TLCD3B: variants seen among roughly 807,000 people sequenced by gnomAD.
The protein encoded by TLCD3B is ceramide synthase.
A neutral mutation model predicts 23.0 loss-of-function variants in TLCD3B; 9 were observed. That is an observed-to-expected ratio of 0.39 (90% CI 0.24 to 0.68). TLCD3B has a LOEUF of 0.68. Ranked by LOEUF, TLCD3B falls within the 30% of genes least tolerant of loss-of-function variation. The pLI is 0.44. For synonymous variants in TLCD3B, 161 were observed against 161.0 expected (o/e 1.00, Z 0.00); for missense variants, 307 against 371.8 (o/e 0.83, Z 1.43).
In TLCD3B at chr16:30,030,627, A is replaced by T. The variant is rs1287885337; in HGVS notation, c.-100T>A. ...TGGAGAAGGGACGCCAAGCCCGGGA[A>T]GGAGGGAGAAAACGATGAGAAGGGG... On this transcript the variant is annotated 5_prime_UTR_variant, in exon 1 of 5. Transcript: ENST00000380495. The T allele has an allele frequency of 5.8e-6, 7 of 1,204,862 alleles. No individual in the cohort carries two copies. The highest frequency in any genetic ancestry group is 5.2e-5 in the African/African-American group (3 of 57,302). 74.6% of individuals were successfully genotyped at this position (1,204,862 alleles called of 1,614,324 possible).
At position 30,036,855 on chromosome 16, in the gene TLCD3B, C is replaced by A. The variant is rs141552371; in HGVS notation, c.-66-641G>T. Among the ~76,000 whole-genome samples, 10 of 152,094 alleles carry A rather than the reference C, an allele frequency of 6.6e-5. No homozygotes were observed. In the East Asian group the frequency reaches 9.7e-4, roughly 15 times the overall value. Reference sequence around the variant, plus strand: ...ATCCCAGCACTTTGGGAGGCTGAGGCGAGTGGGTCACCTGCGGTCAGGAGT... The same window carrying A: ...ATCCCAGCACTTTGGGAGGCTGAGGAGAGTGGGTCACCTGCGGTCAGGAGT... On this transcript the variant is annotated intron_variant, in intron 3 of 6. Coordinates refer to the TLCD3B transcript ENST00000561666.
At chr16:30,042,315 T>C (rs1432302299) in intron 2 of TLCD3B, among the ~76,000 whole-genome samples, 1 of 152,152 alleles carries the variant, frequency 6.6e-6, no homozygotes, top group Non-Finnish European at 1.5e-5. Context: ...CTTGTCTCAC[T>C]GCAATCTGCC....
upstream of TLCD3B, among the ~76,000 whole-genome samples, chr16:30,034,490 G>A (rs544837755): frequency 6.6e-6 from 1 of 151,718 alleles, no homozygotes; most frequent in South Asian, 2.1e-4. Flanking sequence ...GATTGCTTGA[G>A]CCCAGGAGTT....
chr16:30,032,455 T>G (rs2071383824), upstream of TLCD3B, among the ~76,000 whole-genome samples: 1 of 152,102 alleles, frequency 6.6e-6, no homozygotes, highest in Admixed American at 6.6e-5. Flanking sequence ...AGTCTCACGC[T>G]GATTTAGAGA....
chr16:30,030,614 G>A lies in TLCD3B; in HGVS notation c.-87C>T, dbSNP rs1289484059. ...AAGGAGTTAGGGGTGGAGAAGGGAC[G>A]CCAAGCCCGGGAAGGAGGGAGAAAA... On this transcript the variant is annotated 5_prime_UTR_variant, in exon 1 of 5. Transcript: ENST00000380495. 2.1e-6 allele frequency: 3 copies of A among 1,416,972 alleles called. No individual in the cohort carries two copies. The highest frequency in any genetic ancestry group is 2.8e-5 in the East Asian group (1 of 36,022). 87.8% of individuals were successfully genotyped at this position (1,416,972 alleles called of 1,614,324 possible).
intron 3 of TLCD3B, among the ~76,000 whole-genome samples, chr16:30,038,504 C>A (rs567013068): frequency 4.6e-5 from 7 of 152,194 alleles, no homozygotes; most frequent in Non-Finnish European, 1.0e-4. Flanking sequence ...GTAATCCCAG[C>A]ACTTTGGGAG....
chr16:30,032,387 C>T (rs754096592), upstream of TLCD3B, among the ~76,000 whole-genome samples: 4 of 152,192 alleles, frequency 2.6e-5, no homozygotes, highest in Non-Finnish European at 5.9e-5. Context: ...AGGCCAGGGA[C>T]TGGGATTTGC....
intron 3 of TLCD3B, among the ~76,000 whole-genome samples, chr16:30,038,088 T>C (rs893832952): frequency 7.2e-5 from 11 of 152,154 alleles, no homozygotes; most frequent in African/African-American, 2.4e-4. Flanking sequence ...TCTCGAGGCA[T>C]CCTCTTAAAA....
At chr16:30,036,871 G>A (rs1046138273) in intron 3 of TLCD3B, among the ~76,000 whole-genome samples, 8 of 151,624 alleles carry the variant, frequency 5.3e-5, no homozygotes, top group African/African-American at 1.9e-4. Context: ...GGTCACCTGC[G>A]GTCAGGAGTT....
At chr16:30,034,915 CTTTT>C (rs397855495), upstream of TLCD3B, among the ~76,000 whole-genome samples, 1 of 138,814 alleles carries the variant, frequency 7.2e-6, no homozygotes, top group Non-Finnish European at 1.6e-5. Context: ...TTTTCTTTTT[CTTTT>C]TTTTTTTTTT....
Position 30,030,790 on chromosome 16 carries a change from GGA to G in TLCD3B, c.-265_-264del. On this transcript the variant is annotated 5_prime_UTR_variant, in exon 1 of 5. Coordinates refer to ENST00000380495, the MANE Select transcript of TLCD3B (RefSeq NM_031478.6). ...GCAGGAGCAGGCCAGCGAGGGATGGGGAGAGGCAAAGAGGGGATGGCTTGGTG... is the reference window on the plus strand; with the variant it reads ...GCAGGAGCAGGCCAGCGAGGGATGGGGAGGCAAAGAGGGGATGGCTTGGTG... The G allele has an allele frequency of 8.1e-7, 1 of 1,239,734 alleles. No individual in the cohort carries two copies. Among genetic ancestry groups the G allele is most frequent in the Non-Finnish European group, 1.0e-6 (1 of 991,712 alleles). The allele number at this position is 1,239,734 out of a possible 1,614,324, so 76.8% of individuals were successfully genotyped here.
intron 1 of TLCD3B, among the ~76,000 whole-genome samples, chr16:30,051,129 C>T (rs1284697893): frequency 1.3e-5 from 2 of 152,070 alleles, no homozygotes; most frequent in African/African-American, 4.8e-5. Flanking sequence ...AGTGCAGTGG[C>T]TCTGGCCTGT....
chr16:30,048,886 T>C (rs2071711444), intron 1 of TLCD3B, among the ~76,000 whole-genome samples: 1 of 152,142 alleles, frequency 6.6e-6, no homozygotes, highest in Admixed American at 6.6e-5. Context: ...TTCTCCTGTC[T>C]CAGCCTCCCA....
intron 2 of TLCD3B, 58 bp from the exon 3 acceptor site, chr16:30,026,901 G>A: frequency 4.1e-6 from 6 of 1,459,178 alleles, no homozygotes; most frequent in Non-Finnish European, 5.7e-6. Context: ...CCAGTGATTG[G>A]GGTCAGATCT....
Position 30,030,394 on chromosome 16 carries a change from G to A in TLCD3B, c.125+9C>T. On this transcript the variant is annotated intron_variant, in intron 1 of 4. Coordinates refer to ENST00000380495, the MANE Select transcript of TLCD3B (RefSeq NM_031478.6). ...CAGACAGGGGCTGAGGGGAAAGAAA[G>A]TGGTTTACCTGGCTGAGACAATGAC... 1 of 1,559,222 alleles carries A rather than the reference G, an allele frequency of 6.4e-7. No individual in the cohort carries two copies. Among genetic ancestry groups the A allele is most frequent in the Non-Finnish European group, 8.7e-7 (1 of 1,155,382 alleles).
chr16:30,030,282 C>A, intron 1 of TLCD3B, 121 bp downstream of exon 1: 1 of 1,184,854 alleles, frequency 8.4e-7, no homozygotes. Flanking sequence ...GGTAAAGCCC[C>A]GGACCCCCAC....
intron 2 of TLCD3B, among the ~76,000 whole-genome samples, chr16:30,028,609 C>A (rs1368403918): frequency 6.6e-6 from 1 of 152,154 alleles, no homozygotes; most frequent in Non-Finnish European, 1.5e-5. Context: ...CCAGGAAGGG[C>A]CGCTGCCTCA....
chr16:30,050,220 G>A (rs2071729997), intron 1 of TLCD3B, among the ~76,000 whole-genome samples: 1 of 152,108 alleles, frequency 6.6e-6, no homozygotes, highest in Non-Finnish European at 1.5e-5. Flanking sequence ...GCCTCAACTT[G>A]GTCCTCAGGA....
chr16:30,030,926 C>T lies in TLCD3B; in HGVS notation c.-399G>A, dbSNP rs2071339460. The T allele has an allele frequency of 2.2e-5, 1 of 44,458 alleles. No homozygotes were observed. Among genetic ancestry groups the T allele is most frequent in the Admixed American group, 3.1e-4 (1 of 3,278 alleles). 2.8% of individuals were successfully genotyped at this position (44,458 alleles called of 1,614,324 possible). On this transcript the variant is annotated 5_prime_UTR_variant, in exon 1 of 5. Coordinates refer to ENST00000380495, the MANE Select transcript of TLCD3B (RefSeq NM_031478.6). ...GCTTACGTGAGAGGCTGGGAGGGCC[C>T]GAGGAGGCGGGGAGGGGGTGGGGGT...
Sources: allele counts gnomAD v4.1 joint callset (sites outside exome capture counted in the v4.1 genomes callset), GRCh38; gene constraint gnomAD v4.1.1; transcripts MANE v1.5; gene names NCBI Gene and HGNC (gene_info 2026-07-23, HGNC 2026-07-21).